Variants in MDGA2 observed in about 807,000 individuals in gnomAD.
The protein encoded by MDGA2 is MAM domain containing glycosylphosphatidylinositol anchor 2.
MDGA2 carries 40 observed loss-of-function variants against 117.8 expected under a neutral mutation model. The ratio of observed to expected loss-of-function variants is 0.34; its 90% CI spans 0.26 to 0.44. The LOEUF is 0.44. Among genes scored for constraint, MDGA2 ranks in the 20% least tolerant of loss-of-function variants. The pLI, the probability that MDGA2 is intolerant of heterozygous loss-of-function variation, is 1.00. For missense variants in MDGA2, 1,123 were observed against 1,250.6 expected (o/e 0.90, Z 1.54); for synonymous variants, 452 against 439.0 (o/e 1.03, Z -0.37).
intron 1 of MDGA2, among the ~76,000 whole-genome samples, chr14:47,456,302 T>TTG (rs1219342802): frequency 6.6e-6 from 1 of 151,204 alleles, no homozygotes; most frequent in South Asian, 2.1e-4. Context: ...ACCTTTTTTT[T>TTG]TTTTTTTGAG....
chr14:47,470,980 A>G (rs1893713312), intron 1 of MDGA2, among the ~76,000 whole-genome samples: 2 of 152,156 alleles, frequency 1.3e-5, no homozygotes, highest in African/African-American at 4.8e-5. Context: ...TATAAGTGTT[A>G]TCTGAAGGTT....
intron 1 of MDGA2, among the ~76,000 whole-genome samples, chr14:47,633,531 A>AAT (rs1437873158): frequency 2.6e-5 from 4 of 152,220 alleles, no homozygotes; most frequent in Admixed American, 1.3e-4. Context: ...ACTTTAGTAA[A>AAT]CATGTAGTAT....
At chr14:47,470,672 A>G (rs1300544700) in intron 1 of MDGA2, among the ~76,000 whole-genome samples, 1 of 152,088 alleles carries the variant, frequency 6.6e-6, no homozygotes, top group African/African-American at 2.4e-5. Context: ...CTAGTTCTAG[A>G]TCCTTGAGGA....
chr14:47,594,976 G>A (rs1262479493), intron 1 of MDGA2, among the ~76,000 whole-genome samples: 1 of 152,052 alleles, frequency 6.6e-6, no homozygotes, highest in Non-Finnish European at 1.5e-5. Flanking sequence ...CTCCTCACCA[G>A]TGAATGCTTC....
intron 1 of MDGA2, among the ~76,000 whole-genome samples, chr14:47,396,868 T>A (rs1033994014): frequency 1.3e-5 from 2 of 152,126 alleles, no homozygotes; most frequent in Admixed American, 1.3e-4. Flanking sequence ...GAAATAAGAA[T>A]GCTTTTACAC....
At chr14:47,296,382 G>A (rs1224000734) in intron 2 of MDGA2, among the ~76,000 whole-genome samples, 2 of 152,178 alleles carry the variant, frequency 1.3e-5, no homozygotes, top group Non-Finnish European at 2.9e-5. Context: ...ACTGGGAGGT[G>A]CAATTGGCAA....
chr14:47,372,941 T>C (rs970219183), intron 1 of MDGA2, among the ~76,000 whole-genome samples: 5 of 151,982 alleles, frequency 3.3e-5, no homozygotes, highest in Admixed American at 1.3e-4. Flanking sequence ...AAACTCATGG[T>C]ATGTTTTTAA....
intron 3 of MDGA2, among the ~76,000 whole-genome samples, chr14:47,215,286 C>T (rs912935136): frequency 1.4e-4 from 21 of 152,046 alleles, no homozygotes; most frequent in African/African-American, 4.6e-4. Flanking sequence ...AATATCTATT[C>T]AACTAAGCTG....
intron 1 of MDGA2, among the ~76,000 whole-genome samples, chr14:47,466,558 C>G (rs1893608431): frequency 6.6e-6 from 1 of 152,096 alleles, no homozygotes; most frequent in African/African-American, 2.4e-5. Flanking sequence ...CTCTCTGTGA[C>G]AAAGCTGTGC....
chr14:46,929,599 GTGTATATATATATATATA>G (rs1197735306), intron 9 of MDGA2, among the ~76,000 whole-genome samples: 131 of 15,252 alleles, frequency 8.6e-3, no homozygotes, highest in African/African-American at 0.025. Flanking sequence ...GTGTGTGTGT[GTGTATATATATATATATA>G]TATATATATA....
At chr14:47,351,125 C>T (rs1376471068) in intron 1 of MDGA2, among the ~76,000 whole-genome samples, 1 of 139,346 alleles carries the variant, frequency 7.2e-6, no homozygotes, top group Non-Finnish European at 1.5e-5. Flanking sequence ...GTCCCCCTGG[C>T]TGGAGTGCAA....
chr14:47,161,966 T>TTTTTTG (rs1883657087), intron 3 of MDGA2, among the ~76,000 whole-genome samples: 2 of 119,288 alleles, frequency 1.7e-5, no homozygotes, highest in Non-Finnish European at 3.4e-5. Context: ...TTTTTTTTTT[T>TTTTTTG]GAGGAGTCTT....
At chr14:47,080,021 G>A (rs549839843) in intron 6 of MDGA2, among the ~76,000 whole-genome samples, 2 of 152,202 alleles carry the variant, frequency 1.3e-5, no homozygotes, top group Non-Finnish European at 1.5e-5. Flanking sequence ...GTGAGCCACC[G>A]TGCCCGGCCT....
chr14:47,313,467 G>C (rs554941107), intron 1 of MDGA2, among the ~76,000 whole-genome samples: 2 of 151,758 alleles, frequency 1.3e-5, no homozygotes, highest in African/African-American at 4.8e-5. Flanking sequence ...GTTTTGTTTT[G>C]TTTTGTTTTG....
At chr14:47,578,502 T>C (rs1296837633) in intron 1 of MDGA2, among the ~76,000 whole-genome samples, 2 of 152,132 alleles carry the variant, frequency 1.3e-5, no homozygotes, top group Non-Finnish European at 2.9e-5. Context: ...ATTTCCATCT[T>C]ACTCTATGGA....
intron 1 of MDGA2, among the ~76,000 whole-genome samples, chr14:47,612,395 T>A (rs1170620198): frequency 1.3e-5 from 2 of 152,304 alleles, no homozygotes; most frequent in East Asian, 1.9e-4. Flanking sequence ...TCTAAAATAA[T>A]AAGTTGTTAT....
At chr14:47,232,343 T>A (rs2139574683) in intron 2 of MDGA2, among the ~76,000 whole-genome samples, 1 of 152,132 alleles carries the variant, frequency 6.6e-6, no homozygotes, top group Admixed American at 6.6e-5. Context: ...CTTTGGATTC[T>A]AACAGAAGAA....
intron 8 of MDGA2, among the ~76,000 whole-genome samples, chr14:47,020,759 T>C (rs568169984): frequency 6.6e-6 from 1 of 152,304 alleles, no homozygotes; most frequent in African/African-American, 2.4e-5. Context: ...TCATTTCAAT[T>C]CAAATGTTTT....
At position 47,511,706 on chromosome 14, in the gene MDGA2, C is replaced by T. The variant is rs1041385845; in HGVS notation, c.280+162811G>A. ...ATTTAAAATTTTTGTATATTGCACA[C>T]ACCTAAGAGAGGAAAGGTAGCAAAT... is the stretch of plus-strand genomic sequence containing the variant. On this transcript the variant is annotated intron_variant, in intron 1 of 16. Coordinates refer to ENST00000399232, the MANE Select transcript of MDGA2 (RefSeq NM_001113498.3). Among the ~76,000 whole-genome samples the T allele has an allele frequency of 2.0e-5, 3 of 152,108 alleles. No homozygotes were observed. In the East Asian group the frequency reaches 5.8e-4, roughly 29 times the overall value.
Sources: gnomAD v4.1 joint callset for allele counts (sites outside exome capture counted in the v4.1 genomes callset) on GRCh38, gnomAD v4.1.1 for gene constraint, MANE v1.5 for transcripts, NCBI Gene and HGNC (gene_info 2026-07-23, HGNC 2026-07-21) for gene names.